The following PRKD1 variants were observed in gnomAD, a reference collection of about 807,000 sequenced individuals.
PRKD1 encodes serine/threonine-protein kinase D1.
Under a neutral mutation model 95.9 loss-of-function variants are expected in PRKD1, and 63 were observed. The observed-to-expected ratio is 0.66, with a 90% CI of 0.54 to 0.81. The LOEUF (loss-of-function observed/expected upper bound fraction) is 0.81, where lower values mean the gene tolerates loss of function less well. Among genes scored for constraint, PRKD1 ranks in the 30% least tolerant of loss-of-function variants. PRKD1 has a pLI of 0.00. For missense variants in PRKD1, 1,048 were observed against 1,165.3 expected, an observed-to-expected ratio of 0.90 and a Z score of 1.47; for synonymous variants, 425 against 423.1, an observed-to-expected ratio of 1.00 and a Z score of -0.05.
At chr14:29,754,790 C>G (rs1431188415) in intron 1 of PRKD1, among the ~76,000 whole-genome samples, 1 of 152,022 alleles carries the variant, frequency 6.6e-6, no homozygotes, top group East Asian at 1.9e-4. Flanking sequence ...CTTCTTGAGA[C>G]TGATTCAGCT....
rs1453283811 is a variant in PRKD1 at position 29,638,514 on chromosome 14, G to A, written c.960C>T (p.Cys320=). ...KRCAPKVPNN[C]LGEVTINGDL... ...CTCCATTAATGGTCACTTCGCCAAGGCAGTTGTTTGGTACTTTCGGTGCAC... is the reference window on the plus strand; with the variant it reads ...CTCCATTAATGGTCACTTCGCCAAGACAGTTGTTTGGTACTTTCGGTGCAC... The change falls in exon 6 of 18, where the codon TGC becomes TGT. Residue 320 remains cysteine (C), a synonymous_variant. Coordinates refer to ENST00000331968, the MANE Select transcript of PRKD1 (RefSeq NM_002742.3). 5 of 1,614,054 alleles carry A rather than the reference G, an allele frequency of 3.1e-6. No individual in the cohort carries two copies. The Admixed American group carries it at 6.7e-5, about 22-fold the overall frequency.
At chr14:29,661,858 T>A (rs1270602560) in intron 4 of PRKD1, among the ~76,000 whole-genome samples, 1 of 152,220 alleles carries the variant, frequency 6.6e-6, no homozygotes, top group Non-Finnish European at 1.5e-5. Flanking sequence ...GATTTGATCA[T>A]AATTTTACAA....
intron 1 of PRKD1, among the ~76,000 whole-genome samples, chr14:29,867,344 T>A (rs776578535): frequency 4.6e-5 from 7 of 152,130 alleles, no homozygotes; most frequent in Non-Finnish European, 1.0e-4. Flanking sequence ...TGTCACAAGA[T>A]AAGACATGAA....
At chr14:29,837,369 C>T (rs760521307) in intron 1 of PRKD1, among the ~76,000 whole-genome samples, 1 of 152,144 alleles carries the variant, frequency 6.6e-6, no homozygotes, top group Non-Finnish European at 1.5e-5. Flanking sequence ...TAAACCATTG[C>T]ACTTTCAATC....
chr14:29,796,768 A>T (rs951718781), intron 1 of PRKD1, among the ~76,000 whole-genome samples: 13 of 152,100 alleles, frequency 8.5e-5, no homozygotes, highest in African/African-American at 3.1e-4. Context: ...GTTCTAGGGG[A>T]ATGGTGAGGA....
chr14:29,746,221 T>C (rs1887212126), intron 1 of PRKD1, among the ~76,000 whole-genome samples: 1 of 152,250 alleles, frequency 6.6e-6, no homozygotes, highest in South Asian at 2.1e-4. Flanking sequence ...ATCTTGACCT[T>C]ACCCCTCTAG....
intron 7 of PRKD1, among the ~76,000 whole-genome samples, chr14:29,635,945 G>A (rs762636170): frequency 4.6e-5 from 7 of 151,820 alleles, no homozygotes; most frequent in Non-Finnish European, 8.8e-5. Context: ...TTTCTGCTGA[G>A]TTTGATCTTG....
intron 1 of PRKD1, among the ~76,000 whole-genome samples, chr14:29,921,350 C>CTT (rs1224794280): frequency 6.6e-6 from 1 of 150,982 alleles, no homozygotes; most frequent in East Asian, 1.9e-4. Flanking sequence ...AGCCATATTG[C>CTT]TTTTTTTAAT....
At chr14:29,755,043 T>C (rs540728955) in intron 1 of PRKD1, among the ~76,000 whole-genome samples, 1 of 152,218 alleles carries the variant, frequency 6.6e-6, no homozygotes, top group South Asian at 2.1e-4. Context: ...TACTTTCTAG[T>C]GGTGTTTTTT....
chr14:29,803,737 T>C (rs1890124496), intron 1 of PRKD1, among the ~76,000 whole-genome samples: 1 of 152,212 alleles, frequency 6.6e-6, no homozygotes, highest in Non-Finnish European at 1.5e-5. Context: ...CTTTTGTTTT[T>C]CAATTATTTA....
chr14:29,786,347 GA>G lies in PRKD1; in HGVS notation c.265-60674del, dbSNP rs1889273100. 7.9e-5 allele frequency among the ~76,000 whole-genome samples: 12 copies of G among 152,252 alleles called. 1 individual carries two copies. In the South Asian group the frequency reaches 2.5e-3, roughly 32 times the overall value. ...CTGGTTTTGGTGTCGAGGGAATGCT[GA>G]TATTTTAGACTGGGTTAGGAAGAAT... On this transcript the variant is annotated intron_variant, in intron 1 of 17. Coordinates refer to ENST00000331968, the MANE Select transcript of PRKD1 (RefSeq NM_002742.3).
chr14:29,633,080 C>T, intron 8 of PRKD1, 134 bp from the exon 9 acceptor site: 1 of 752,840 alleles, frequency 1.3e-6, no homozygotes. Flanking sequence ...GAAAGGCAGA[C>T]TCATGCTCAA....
chr14:29,877,874 C>A (rs925399251), intron 1 of PRKD1, among the ~76,000 whole-genome samples: 2 of 152,156 alleles, frequency 1.3e-5, no homozygotes, highest in Non-Finnish European at 2.9e-5. Flanking sequence ...GCACTATACA[C>A]AATAGCAATG....
intron 1 of PRKD1, among the ~76,000 whole-genome samples, chr14:29,872,853 CAA>C (rs1893162357): frequency 6.6e-6 from 1 of 152,084 alleles, no homozygotes; most frequent in South Asian, 2.1e-4. Context: ...TACTTGAGAT[CAA>C]AGAGCCATTT....
intron 2 of PRKD1, among the ~76,000 whole-genome samples, chr14:29,695,810 T>C (rs1213511895): frequency 6.6e-6 from 1 of 152,134 alleles, no homozygotes; most frequent in East Asian, 1.9e-4. Flanking sequence ...CAAGGCAAAC[T>C]GGAAAGTGCT....
intron 16 of PRKD1, among the ~76,000 whole-genome samples, chr14:29,594,554 T>G (rs544949646): frequency 2.0e-5 from 3 of 152,314 alleles, no homozygotes; most frequent in Admixed American, 2.0e-4. Context: ...CCAAAGAAGG[T>G]AAGTGATGAC....
In PRKD1 at chr14:29,580,458, A is replaced by G. The variant is rs370366631; in HGVS notation, c.2435-2098T>C. Among the ~76,000 whole-genome samples the G allele has an allele frequency of 5.9e-5, 9 of 152,206 alleles. 1 individual carries two copies. Among genetic ancestry groups the G allele is most frequent in the East Asian group, 1.9e-4 (1 of 5,170 alleles). ...TTAGAGGAGAAACGTGTATGTATAAATAAATGTGTGTGTGTGTGTATACAT... is the reference window on the plus strand; with the variant it reads ...TTAGAGGAGAAACGTGTATGTATAAGTAAATGTGTGTGTGTGTGTATACAT... On this transcript the variant is annotated intron_variant, in intron 16 of 17. Coordinates refer to ENST00000331968, the MANE Select transcript of PRKD1 (RefSeq NM_002742.3).
At position 29,636,490 on chromosome 14, in the gene PRKD1, CA is replaced by C; in HGVS notation, c.989del (p.Leu330CysfsTer78). 3 of 1,614,016 alleles carry C rather than the reference CA, an allele frequency of 1.9e-6. No individual in the cohort carries two copies. The highest frequency in any genetic ancestry group is 2.5e-6 in the Non-Finnish European group (3 of 1,179,982). ...CLGEVTINGD[L>X]LSPGAESDVV... Reference sequence around the variant, plus strand: ...CATCAGACTCTGCCCCAGGGCTAAGCAAATCTAGAAAATTATTTTCACCCAT... The same window carrying C: ...CATCAGACTCTGCCCCAGGGCTAAGCAATCTAGAAAATTATTTTCACCCAT... On this transcript the variant is annotated frameshift_variant, in exon 7 of 18. Coordinates refer to ENST00000331968, the MANE Select transcript of PRKD1 (RefSeq NM_002742.3). LOFTEE classifies it high-confidence loss of function.
At chr14:29,678,654 C>T (rs1305050260) in intron 2 of PRKD1, among the ~76,000 whole-genome samples, 1 of 152,080 alleles carries the variant, frequency 6.6e-6, no homozygotes, top group Admixed American at 6.6e-5. Flanking sequence ...TGTGTGTGCA[C>T]ATATTAGGGC....
Sources: gnomAD v4.1 joint callset for allele counts (sites outside exome capture counted in the v4.1 genomes callset) on GRCh38, gnomAD v4.1.1 for gene constraint, MANE v1.5 for transcripts, NCBI Gene and HGNC (gene_info 2026-07-23, HGNC 2026-07-21) for gene names.